Variants in DOCK1 observed in about 807,000 individuals in gnomAD.
DOCK1 encodes dedicator of cytokinesis 1, also known as dedicator of cytokinesis protein 1.
DOCK1 carries 138 observed loss-of-function variants against 262.7 expected under a neutral mutation model. The ratio of observed to expected loss-of-function variants is 0.53; its 90% CI spans 0.46 to 0.61. The LOEUF is 0.61. Among genes scored for constraint, DOCK1 ranks in the 20% least tolerant of loss-of-function variants. The pLI is 0.00. For synonymous variants in DOCK1, 866 were observed against 867.4 expected (o/e 1.00, Z 0.03); for missense variants, 1,908 against 2,370.7 (o/e 0.80, Z 4.05).
chr10:127,023,542 C>CTTT (rs10652401), intron 14 of DOCK1, among the ~76,000 whole-genome samples: 41,437 of 123,928 alleles, frequency 0.33, 7,248 homozygotes, highest in Middle Eastern at 0.4. Flanking sequence ...TCCCTGTGGT[C>CTTT]TTTTTTTTTT....
intron 25 of DOCK1, among the ~76,000 whole-genome samples, chr10:127,123,516 C>T (rs1299271103): frequency 2.6e-5 from 4 of 152,198 alleles, no homozygotes; most frequent in South Asian, 4.1e-4. Flanking sequence ...TGGAGTTAAA[C>T]CCTACGTCGG....
intron 1 of DOCK1, among the ~76,000 whole-genome samples, chr10:126,921,334 G>A (rs2033175051): frequency 2.0e-5 from 3 of 152,030 alleles, no homozygotes; most frequent in Non-Finnish European, 2.9e-5. Flanking sequence ...AACATGGTAT[G>A]TCCCTATAAT....
At chr10:127,285,012 C>T (rs765690524) in intron 29 of DOCK1, among the ~76,000 whole-genome samples, 1 of 152,028 alleles carries the variant, frequency 6.6e-6, no homozygotes, top group Non-Finnish European at 1.5e-5. Flanking sequence ...TGGTGTGCCC[C>T]CTGTAATCCC....
At chr10:127,285,154 A>G (rs2061103758) in intron 29 of DOCK1, among the ~76,000 whole-genome samples, 1 of 152,134 alleles carries the variant, frequency 6.6e-6, no homozygotes, top group African/African-American at 2.4e-5. Context: ...TAATAAATCA[A>G]TATCTGGCAG....
chr10:126,943,564 C>A (rs2035176943), intron 1 of DOCK1, among the ~76,000 whole-genome samples: 1 of 152,184 alleles, frequency 6.6e-6, no homozygotes, highest in African/African-American at 2.4e-5. Flanking sequence ...TAAATTCATG[C>A]ATTCAGTAAA....
At chr10:127,360,352 C>G (rs1476106330) in intron 32 of DOCK1, among the ~76,000 whole-genome samples, 1 of 146,658 alleles carries the variant, frequency 6.8e-6, no homozygotes, top group African/African-American at 2.6e-5. Flanking sequence ...GGCGGCCAAC[C>G]CACAACTAGC....
chr10:127,258,310 A>G (rs2059898161), intron 29 of DOCK1, among the ~76,000 whole-genome samples: 1 of 152,028 alleles, frequency 6.6e-6, no homozygotes, highest in Admixed American at 6.6e-5. Context: ...CCACTCCACC[A>G]TCCGTAAGCT....
At chr10:126,906,376 G>A (rs1374769644) in intron 1 of DOCK1, among the ~76,000 whole-genome samples, 1 of 152,192 alleles carries the variant, frequency 6.6e-6, no homozygotes, top group Non-Finnish European at 1.5e-5. Context: ...GCGCCCCGGG[G>A]ACCCGCAGCC....
chr10:127,043,363 G>A (rs568505403), intron 21 of DOCK1, among the ~76,000 whole-genome samples, 199 bp downstream of exon 21: 3 of 152,230 alleles, frequency 2.0e-5, no homozygotes, highest in South Asian at 4.1e-4. Context: ...ATAAATCATC[G>A]TAATATTCTG....
chr10:127,042,427 G>A (rs1285662962), intron 19 of DOCK1, among the ~76,000 whole-genome samples, 198 bp from the exon 20 acceptor site: 1 of 152,108 alleles, frequency 6.6e-6, no homozygotes, highest in Non-Finnish European at 1.5e-5. Context: ...AACACTGGTG[G>A]CATTTCTTTG....
intron 27 of DOCK1, among the ~76,000 whole-genome samples, chr10:127,232,672 C>T (rs2058895998): frequency 6.6e-6 from 1 of 152,190 alleles, no homozygotes. Context: ...TTTGCCCCTT[C>T]ATGACACCAA....
At chr10:127,288,437 C>T (rs1294657215) in intron 29 of DOCK1, among the ~76,000 whole-genome samples, 1 of 152,066 alleles carries the variant, frequency 6.6e-6, no homozygotes, top group Non-Finnish European at 1.5e-5. Flanking sequence ...CTCATTCTTT[C>T]CAAGCCTTTT....
At chr10:127,408,429 A>G (rs367680924) in intron 40 of DOCK1, among the ~76,000 whole-genome samples, 2 of 152,064 alleles carry the variant, frequency 1.3e-5, no homozygotes, top group South Asian at 4.2e-4. Flanking sequence ...CCAGTCACTC[A>G]CTCGGGGGAG....
rs1564944198 is a variant in DOCK1, at chr10:127,260,973, GT to G, written c.3044+3545del. Reference sequence around the variant, plus strand: ...CATCTGTGTGTGTGCATGTGGGTGTGTGTGTGTGTACCCGTGCTCATGTGTG... The same window carrying G: ...CATCTGTGTGTGTGCATGTGGGTGTGGTGTGTGTACCCGTGCTCATGTGTG... On this transcript the variant is annotated intron_variant, in intron 29 of 51. Transcript: ENST00000623213. 5.3e-3 allele frequency among the ~76,000 whole-genome samples: 371 copies of G among 70,110 alleles called. 4 individuals carry two copies. The highest frequency in any genetic ancestry group is 8.0e-3 in the Non-Finnish European group (273 of 34,268). The allele number at this position is 70,110 out of a possible 152,430, so 46.0% of individuals were successfully genotyped here.
At chr10:126,909,577 T>C (rs2031456118) in intron 1 of DOCK1, among the ~76,000 whole-genome samples, 1 of 152,190 alleles carries the variant, frequency 6.6e-6, no homozygotes, top group African/African-American at 2.4e-5. Flanking sequence ...CTCTTCACTT[T>C]GGCCACTTCC....
intron 28 of DOCK1, among the ~76,000 whole-genome samples, chr10:127,255,196 T>C (rs775690850): frequency 5.9e-5 from 9 of 151,990 alleles, no homozygotes; most frequent in Non-Finnish European, 1.3e-4. Flanking sequence ...GCCCAGGAGT[T>C]CAAGACCAGC....
chr10:127,023,852 T>TA (rs2042628344), intron 14 of DOCK1, among the ~76,000 whole-genome samples: 1 of 152,234 alleles, frequency 6.6e-6, no homozygotes, highest in Non-Finnish European at 1.5e-5. Context: ...ATACCATTGT[T>TA]ACGATTTGAG....
rs111331476 is a variant in DOCK1, at chr10:127,225,945, G to A, written c.2848-22063G>A. ...TACAAAAAGTTAGCAGGGCATGGTG[G>A]CGGGTGCCTGTAATCCCAGCTACTT... On this transcript the variant is annotated intron_variant, in intron 27 of 51. Coordinates refer to ENST00000623213, the MANE Select transcript of DOCK1 (RefSeq NM_001290223.2). Among the ~76,000 whole-genome samples the A allele has an allele frequency of 6.5e-3, 994 of 152,234 alleles. 8 individuals carry two copies. The highest frequency in any genetic ancestry group is 0.034 in the Middle Eastern group (10 of 294).
intron 29 of DOCK1, among the ~76,000 whole-genome samples, chr10:127,259,454 A>G (rs920934954): frequency 6.6e-6 from 1 of 152,204 alleles, no homozygotes. Context: ...CAGCAACAAT[A>G]ATCAAAAACC....
Sources: allele counts gnomAD v4.1 joint callset (sites outside exome capture counted in the v4.1 genomes callset), GRCh38; gene constraint gnomAD v4.1.1; transcripts MANE v1.5; gene names NCBI Gene and HGNC (gene_info 2026-07-23, HGNC 2026-07-21).